The following MGAT4C variants were observed in gnomAD, a reference collection of about 807,000 sequenced individuals.
MGAT4C encodes alpha-1,3-mannosyl-glycoprotein 4-beta-N-acetylglucosaminyltransferase C.
MGAT4C carries 19 observed loss-of-function variants against 40.1 expected under a neutral mutation model. The observed-to-expected ratio is 0.47, with a 90% CI of 0.33 to 0.70. The LOEUF (loss-of-function observed/expected upper bound fraction) is 0.70. Among genes scored for constraint, MGAT4C ranks in the 30% least tolerant of loss-of-function variants. The pLI is 0.02. For missense variants in MGAT4C, 491 were observed against 563.2 expected (o/e 0.87, Z 1.30); for synonymous variants, 181 against 187.1 (o/e 0.97, Z 0.27).
At chr12:86,549,795 G>A (rs2136394749) in intron 2 of MGAT4C, among the ~76,000 whole-genome samples, 1 of 152,258 alleles carries the variant, frequency 6.6e-6, no homozygotes, top group East Asian at 1.9e-4. Flanking sequence ...ACGCACCTAT[G>A]GTGATTGGAA....
intron 2 of MGAT4C, chr12:86,022,363 A>G (rs1420646058): frequency 6.6e-6 from 1 of 152,224 alleles, no homozygotes; most frequent in Non-Finnish European, 1.5e-5. Flanking sequence ...CACTTACTGA[A>G]GCCCTACTAT....
At chr12:86,340,042 A>G (rs1258820129) in intron 3 of MGAT4C, among the ~76,000 whole-genome samples, 2 of 152,164 alleles carry the variant, frequency 1.3e-5, no homozygotes, top group Non-Finnish European at 2.9e-5. Flanking sequence ...GAATATATTA[A>G]TAAGTGAGTA....
chr12:86,262,057 A>G (rs73398125), intron 4 of MGAT4C, among the ~76,000 whole-genome samples: 2,583 of 152,174 alleles, frequency 0.017, 70 homozygotes, highest in African/African-American at 0.058. Flanking sequence ...GCATAAATTT[A>G]ATATAGTTTA....
At chr12:86,450,143 C>T (rs1179876531) in intron 2 of MGAT4C, among the ~76,000 whole-genome samples, 3 of 151,940 alleles carry the variant, frequency 2.0e-5, no homozygotes, top group Admixed American at 6.6e-5. Flanking sequence ...CTTTTCTCGG[C>T]GGCAGTGTCA....
chr12:86,258,204 AT>A (rs35638343), upstream of MGAT4C, among the ~76,000 whole-genome samples: 42 of 148,502 alleles, frequency 2.8e-4, no homozygotes, highest in African/African-American at 6.2e-4. Flanking sequence ...GACTCACTCA[AT>A]TTTTTTTTTG....
At chr12:86,569,252 G>T (rs904126393) in intron 2 of MGAT4C, among the ~76,000 whole-genome samples, 1 of 152,030 alleles carries the variant, frequency 6.6e-6, no homozygotes, top group Non-Finnish European at 1.5e-5. Flanking sequence ...GAAACAATTG[G>T]TTGAATGGGA....
Position 86,749,989 on chromosome 12 carries a change from T to C in MGAT4C, c.-261-22748A>G, listed in dbSNP as rs142581823. On this transcript the variant is annotated intron_variant, in intron 1 of 7. Coordinates refer to the MGAT4C transcript ENST00000548651. ...GAATATCTCGCATATGGTTTGAGCATAGTAGGAATCAATGTATTTGTTGGA... is the reference window on the plus strand; with the variant it reads ...GAATATCTCGCATATGGTTTGAGCACAGTAGGAATCAATGTATTTGTTGGA... Among the ~76,000 whole-genome samples the C allele has an allele frequency of 5.6e-3, 843 of 150,404 alleles. 3 individuals are homozygous for C. The highest frequency in any genetic ancestry group is 9.0e-3 in the Non-Finnish European group (609 of 67,832).
intron 2 of MGAT4C, among the ~76,000 whole-genome samples, chr12:86,505,722 T>C (rs752228295): frequency 6.6e-6 from 1 of 152,222 alleles, no homozygotes; most frequent in Non-Finnish European, 1.5e-5. Flanking sequence ...CATTTGTATG[T>C]ACTGGAGATA....
chr12:86,284,920 T>G (rs1008770328), intron 4 of MGAT4C, among the ~76,000 whole-genome samples: 1 of 152,014 alleles, frequency 6.6e-6, no homozygotes, highest in African/African-American at 2.4e-5. Flanking sequence ...ATTTTCATCC[T>G]TATGTAATAG....
chr12:86,309,258 A>C (rs1954011896), intron 4 of MGAT4C, among the ~76,000 whole-genome samples: 1 of 141,244 alleles, frequency 7.1e-6, no homozygotes, highest in Non-Finnish European at 1.5e-5. Flanking sequence ...GGACGCAAGC[A>C]AGTGTATTCA....
chr12:86,477,551 T>C (rs1957858521), intron 2 of MGAT4C, among the ~76,000 whole-genome samples: 1 of 151,976 alleles, frequency 6.6e-6, no homozygotes, highest in Non-Finnish European at 1.5e-5. Flanking sequence ...GAAATAAAAG[T>C]TGAAAGAAAA....
chr12:86,422,110 GAA>G (rs1340904688), intron 3 of MGAT4C, among the ~76,000 whole-genome samples: 1 of 152,112 alleles, frequency 6.6e-6, no homozygotes, highest in Non-Finnish European at 1.5e-5. Context: ...ACAGAATGAT[GAA>G]AATCAAGGGG....
At chr12:86,393,908 T>C (rs1302373153) in intron 3 of MGAT4C, among the ~76,000 whole-genome samples, 3 of 152,298 alleles carry the variant, frequency 2.0e-5, no homozygotes, top group African/African-American at 7.2e-5. Flanking sequence ...TCCCTCACCT[T>C]GTCAGGATTT....
Position 86,584,200 on chromosome 12 carries a change from T to C in MGAT4C, c.-229+143009A>G, listed in dbSNP as rs147968452. On this transcript the variant is annotated intron_variant, in intron 2 of 7. Coordinates refer to the MGAT4C transcript ENST00000548651. ...AACACTGTGAAACACAAATGAGAGA[T>C]ACAGAAATAAAGTTTTGCCTATTAG... Among the ~76,000 whole-genome samples the C allele has an allele frequency of 3.2e-3, 481 of 151,006 alleles. 5 individuals carry two copies. Among genetic ancestry groups the C allele is most frequent in the African/African-American group, 0.011 (451 of 41,384 alleles).
intron 1 of MGAT4C, among the ~76,000 whole-genome samples, chr12:86,811,222 A>C (rs571114146): frequency 5.8e-4 from 87 of 151,216 alleles, no homozygotes; most frequent in African/African-American, 2.0e-3. Flanking sequence ...TAAATTAATA[A>C]TTTCATTTTT....
At chr12:86,287,245 T>TTTTG (rs1953374948) in intron 4 of MGAT4C, among the ~76,000 whole-genome samples, 1 of 152,150 alleles carries the variant, frequency 6.6e-6, no homozygotes, top group Non-Finnish European at 1.5e-5. Flanking sequence ...TTTCCCCCAA[T>TTTTG]CTCTCCAGAA....
chr12:86,563,004 G>A, intron 2 of MGAT4C, among the ~76,000 whole-genome samples: 1 of 152,046 alleles, frequency 6.6e-6, no homozygotes, highest in East Asian at 1.9e-4. Flanking sequence ...TTACAGTAGA[G>A]GGAGGGATCC....
At chr12:86,351,691 T>G (rs951859989) in intron 3 of MGAT4C, among the ~76,000 whole-genome samples, 2 of 152,014 alleles carry the variant, frequency 1.3e-5, no homozygotes, top group South Asian at 4.1e-4. Flanking sequence ...TAACCTTAAT[T>G]TTAATGGCAA....
At chr12:85,991,750 G>A (rs1885968750) in intron 2 of MGAT4C, among the ~76,000 whole-genome samples, 1 of 152,180 alleles carries the variant, frequency 6.6e-6, no homozygotes, top group African/African-American at 2.4e-5. Flanking sequence ...CCAGCTCTTA[G>A]AGGGGCAGAG....
Sources: allele counts gnomAD v4.1 joint callset (sites outside exome capture counted in the v4.1 genomes callset), GRCh38; gene constraint gnomAD v4.1.1; transcripts MANE v1.5; gene names NCBI Gene and HGNC (gene_info 2026-07-23, HGNC 2026-07-21).